The following CNTNAP5 variants were observed in gnomAD, a reference collection of about 807,000 sequenced individuals.
CNTNAP5 encodes contactin associated protein family member 5.
A neutral mutation model predicts 150.2 loss-of-function variants in CNTNAP5; 72 were observed. The ratio of observed to expected loss-of-function variants is 0.48; its 90% CI spans 0.40 to 0.58. The LOEUF (loss-of-function observed/expected upper bound fraction) is 0.58, where lower values mean the gene tolerates loss of function less well. Ranked by LOEUF, CNTNAP5 falls within the 20% of genes least tolerant of loss-of-function variation. The probability of loss-of-function intolerance (pLI) is 0.00; values close to 1 mark genes in which losing one functional copy is unlikely to be tolerated. For missense variants in CNTNAP5, 1,636 were observed against 1,626.2 expected, an observed-to-expected ratio of 1.01 and a Z score of -0.10; for synonymous variants, 672 against 619.8, an observed-to-expected ratio of 1.08 and a Z score of -1.25.
At chr2:124,133,325 A>G (rs1405949366) in intron 1 of CNTNAP5, among the ~76,000 whole-genome samples, 2 of 152,138 alleles carry the variant, frequency 1.3e-5, no homozygotes, top group Non-Finnish European at 1.5e-5. Flanking sequence ...AAAAAGGTCT[A>G]TGAGAGTCCC....
At chr2:124,575,008 T>C (rs1391298538) in intron 11 of CNTNAP5, among the ~76,000 whole-genome samples, 2 of 152,208 alleles carry the variant, frequency 1.3e-5, no homozygotes, top group East Asian at 3.9e-4. Flanking sequence ...GCGTGAAATC[T>C]CTCTGACAAG....
intron 3 of CNTNAP5, among the ~76,000 whole-genome samples, chr2:124,408,892 CT>C (rs1242144788): frequency 6.6e-6 from 1 of 152,200 alleles, no homozygotes; most frequent in African/African-American, 2.4e-5. Flanking sequence ...TGGAGAATGA[CT>C]TTGACGAGCT....
chr2:124,491,104 C>T (rs1694013229), intron 7 of CNTNAP5, among the ~76,000 whole-genome samples: 1 of 152,110 alleles, frequency 6.6e-6, no homozygotes. Context: ...ATAATTACCA[C>T]AATCAAGTTA....
intron 19 of CNTNAP5, among the ~76,000 whole-genome samples, chr2:124,848,916 T>C (rs904956202): frequency 2.0e-5 from 3 of 152,208 alleles, no homozygotes; most frequent in Non-Finnish European, 4.4e-5. Context: ...GTAGTGCAAA[T>C]ATTTTTTCCC....
At chr2:124,539,113 A>G (rs547563016) in intron 10 of CNTNAP5, among the ~76,000 whole-genome samples, 5 of 152,320 alleles carry the variant, frequency 3.3e-5, no homozygotes, top group Admixed American at 6.5e-5. Context: ...GTTGGAAGAG[A>G]GAAGGAGTAT....
At chr2:124,151,479 T>C (rs1684404512) in intron 1 of CNTNAP5, among the ~76,000 whole-genome samples, 1 of 152,208 alleles carries the variant, frequency 6.6e-6, no homozygotes, top group Non-Finnish European at 1.5e-5. Flanking sequence ...GCTCTGCCAC[T>C]TACCAGTTGT....
In CNTNAP5 at chr2:124,183,219, G is replaced by A. The variant is rs78271018; in HGVS notation, c.83-38486G>A. On this transcript the variant is annotated intron_variant, in intron 1 of 23. Coordinates refer to ENST00000682447, the MANE Select transcript of CNTNAP5 (RefSeq NM_001367498.1). ...AAACATTCCATTAGTGGTAGAATAC[G>A]GGAGCAATTTAATGGATGAATGAAA... Among the ~76,000 whole-genome samples, 1,243 of 152,176 alleles carry A rather than the reference G, an allele frequency of 8.2e-3. 17 individuals carry two copies. The highest frequency in any genetic ancestry group is 0.028 in the African/African-American group (1,143 of 41,528).
At chr2:124,160,140 C>A (rs1684641594) in intron 1 of CNTNAP5, among the ~76,000 whole-genome samples, 1 of 152,054 alleles carries the variant, frequency 6.6e-6, no homozygotes, top group African/African-American at 2.4e-5. Flanking sequence ...CTCAGGAGAG[C>A]AGATGGTATA....
chr2:124,388,746 A>C, intron 3 of CNTNAP5, among the ~76,000 whole-genome samples: 1 of 150,800 alleles, frequency 6.6e-6, no homozygotes, highest in Admixed American at 6.6e-5. Context: ...CCGGAGTGAG[A>C]CTCCACTGGC....
intron 4 of CNTNAP5, 128 bp from the exon 5 acceptor site, chr2:124,434,356 G>A: frequency 1.4e-6 from 1 of 722,890 alleles, no homozygotes. Context: ...CATGTTTCCT[G>A]TTGAGACTAG....
chr2:124,763,610 GAA>G, intron 14 of CNTNAP5, 60 bp from the exon 15 acceptor site: 1 of 1,529,332 alleles, frequency 6.5e-7, no homozygotes. Flanking sequence ...AGGGGTCATG[GAA>G]AAGAGTCCCT....
chr2:124,117,201 C>A (rs1312763172), intron 1 of CNTNAP5, among the ~76,000 whole-genome samples: 1 of 152,192 alleles, frequency 6.6e-6, no homozygotes, highest in Non-Finnish European at 1.5e-5. Flanking sequence ...CTTCCTAGGG[C>A]AGAAACCTGA....
intron 19 of CNTNAP5, among the ~76,000 whole-genome samples, chr2:124,818,377 G>A (rs1348101943): frequency 4.6e-5 from 7 of 152,118 alleles, no homozygotes; most frequent in Non-Finnish European, 8.8e-5. Flanking sequence ...AATAAAATAA[G>A]CTTGGCATGG....
intron 19 of CNTNAP5, among the ~76,000 whole-genome samples, chr2:124,812,838 T>C (rs928521459): frequency 6.6e-6 from 1 of 152,132 alleles, no homozygotes. Context: ...CTTGGGCCCA[T>C]GTTCTCAGGG....
In CNTNAP5 at chr2:124,376,786, G is replaced by A. The variant is rs151318532; in HGVS notation, c.382-40657G>A. On this transcript the variant is annotated intron_variant, in intron 3 of 23. Transcript: ENST00000682447. ...TCCTGTGAGCATCCACAGAGAGTTCGGATGGCCCTACCTTTTTTTCTTTTA... is the reference window on the plus strand; with the variant it reads ...TCCTGTGAGCATCCACAGAGAGTTCAGATGGCCCTACCTTTTTTTCTTTTA... Among the ~76,000 whole-genome samples the A allele has an allele frequency of 5.3e-5, 8 of 151,346 alleles. No individual in the cohort carries two copies. In the South Asian group the frequency reaches 1.0e-3, roughly 20 times the overall value.
intron 21 of CNTNAP5, among the ~76,000 whole-genome samples, chr2:124,877,429 G>A (rs552458707): frequency 2.1e-3 from 317 of 152,196 alleles, no homozygotes; most frequent in African/African-American, 7.4e-3. Context: ...AAGAGGGGTG[G>A]CCTTCACGGA....
chr2:124,550,697 C>T (rs922629114), intron 10 of CNTNAP5, among the ~76,000 whole-genome samples: 37 of 152,246 alleles, frequency 2.4e-4, no homozygotes, highest in African/African-American at 8.7e-4. Context: ...GGTGGACTTC[C>T]ATTCTGATGG....
intron 1 of CNTNAP5, among the ~76,000 whole-genome samples, chr2:124,142,037 CAAAG>C (rs1354203707): frequency 1.4e-5 from 2 of 147,376 alleles, no homozygotes; most frequent in Non-Finnish European, 3.0e-5. Context: ...TCAAAAGAGA[CAAAG>C]AAGGCCATTA....
At position 124,619,908 on chromosome 2, in the gene CNTNAP5, C is replaced by CATATATATAT. The variant is rs10540154; in HGVS notation, c.1876+10007_1876+10016dup. Among the ~76,000 whole-genome samples the CATATATATAT allele has an allele frequency of 1.5e-3, 174 of 115,498 alleles. 4 individuals are homozygous for CATATATATAT. The highest frequency in any genetic ancestry group is 5.3e-3 in the African/African-American group (117 of 21,880). The allele number at this position is 115,498 out of a possible 152,430, so 75.8% of individuals were successfully genotyped here. On this transcript the variant is annotated intron_variant, in intron 12 of 23. Transcript: ENST00000682447. ...ATACTCCTTCTCTCACTGTCTCATTCATATATATATATATATATATATATA... is the reference window on the plus strand; with the variant it reads ...ATACTCCTTCTCTCACTGTCTCATTCATATATATATATATATATATATATATATATATATA...
Sources: gnomAD v4.1 joint callset for allele counts (sites outside exome capture counted in the v4.1 genomes callset) on GRCh38, gnomAD v4.1.1 for gene constraint, MANE v1.5 for transcripts, NCBI Gene and HGNC (gene_info 2026-07-23, HGNC 2026-07-21) for gene names.